The following NAV3 variants were observed in gnomAD, a reference collection of about 807,000 sequenced individuals.
The protein encoded by NAV3 is neuron navigator 3.
Under a neutral mutation model 244.7 loss-of-function variants are expected in NAV3, and 87 were observed. The observed-to-expected ratio is 0.36, with a 90% confidence interval of 0.30 to 0.42. NAV3 has a LOEUF of 0.42. NAV3 is among the 20% of genes least tolerant of loss of function. The pLI is 1.00. For missense variants in NAV3, 2,663 were observed against 2,893.3 expected (o/e 0.92, Z 1.83); for synonymous variants, 1,126 against 1,042.2 (o/e 1.08, Z -1.55).
At chr12:77,791,378 C>T (rs1380711375) in intron 2 of NAV3, among the ~76,000 whole-genome samples, 1 of 150,080 alleles carries the variant, frequency 6.7e-6, no homozygotes, top group South Asian at 2.1e-4. Context: ...AAAAAATTCC[C>T]TTTTATTTCA....
intron 2 of NAV3, among the ~76,000 whole-genome samples, chr12:77,698,374 A>G (rs1353537791): frequency 6.6e-6 from 1 of 152,126 alleles, no homozygotes; most frequent in African/African-American, 2.4e-5. Context: ...TATATCACCC[A>G]TCACTGGAAG....
rs1460257601 is a variant in NAV3, at chr12:77,851,551, G to T, written c.243+19847G>T. On this transcript the variant is annotated intron_variant, in intron 1 of 39. Coordinates refer to ENST00000397909, the MANE Select transcript of NAV3 (RefSeq NM_001024383.2). ...TTAAAAATATTTTCAATAATATTAA[G>T]CAATCAATTATTTGTTACAGACTGA... is the stretch of plus-strand genomic sequence containing the variant. Among the ~76,000 whole-genome samples, 4 of 150,518 alleles carry T rather than the reference G, an allele frequency of 2.7e-5. 1 individual carries two copies. The highest frequency in any genetic ancestry group is 4.4e-5 in the Non-Finnish European group (3 of 67,556).
intron 12 of NAV3, among the ~76,000 whole-genome samples, chr12:78,064,609 G>A (rs187617781): frequency 1.1e-3 from 173 of 152,124 alleles, no homozygotes; most frequent in Middle Eastern, 6.8e-3. Context: ...CAGTCACATT[G>A]CAGGTTAAAA....
chr12:77,749,867 T>C (rs1333064695), intron 2 of NAV3, among the ~76,000 whole-genome samples: 1 of 152,198 alleles, frequency 6.6e-6, no homozygotes, highest in African/African-American at 2.4e-5. Context: ...AAATATTTGA[T>C]TTACCAATGT....
At chr12:78,097,674 T>A (rs444008) in intron 12 of NAV3, among the ~76,000 whole-genome samples, 8,792 of 152,228 alleles carry the variant, frequency 0.058, 320 homozygotes, top group Admixed American at 0.078. Context: ...TTTAATAATA[T>A]TTTCCTTTTA....
At chr12:78,161,800 T>C (rs1593850914) in intron 23 of NAV3, among the ~76,000 whole-genome samples, 1 of 152,136 alleles carries the variant, frequency 6.6e-6, no homozygotes, top group African/African-American at 2.4e-5. Context: ...ACTTGCCTAT[T>C]CTCAAAGTGA....
intron 1 of NAV3, among the ~76,000 whole-genome samples, chr12:77,924,055 C>G (rs1180896653): frequency 6.6e-6 from 1 of 152,120 alleles, no homozygotes; most frequent in African/African-American, 2.4e-5. Context: ...ACCAGCTGCT[C>G]TAACAAACTC....
At chr12:78,208,583 C>A (rs1960572244) in intron 39 of NAV3, among the ~76,000 whole-genome samples, 2 of 152,050 alleles carry the variant, frequency 1.3e-5, no homozygotes, top group South Asian at 4.1e-4. Context: ...TAGGCAAAGG[C>A]AAAGTAAATC....
intron 5 of NAV3, among the ~76,000 whole-genome samples, chr12:77,976,668 T>TTCTTTG (rs1565979419): frequency 1.7e-5 from 1 of 58,120 alleles, no homozygotes; most frequent in African/African-American, 7.2e-5. Flanking sequence ...CTTTCTTTCT[T>TTCTTTG]TTTTTCTTTT....
At chr12:77,674,389 C>CTT (rs375776245) in intron 2 of NAV3, among the ~76,000 whole-genome samples, 17 of 146,160 alleles carry the variant, frequency 1.2e-4, no homozygotes, top group African/African-American at 2.7e-4. Context: ...TCAAATTATA[C>CTT]TTTTTTTTTT....
At position 78,190,106 on chromosome 12, in the gene NAV3, A is replaced by T; in HGVS notation, c.6178A>T (p.Thr2060Ser). Residue 2060 changes from threonine to serine, a missense_variant, in exon 34 of 40, where the codon ACT becomes TCT. This residue lies in a region of NAV3 where 543 missense variants were observed against 672.4 expected (regional missense o/e 0.81). Coordinates refer to ENST00000397909, the MANE Select transcript of NAV3 (RefSeq NM_001024383.2). ...HRIILSGPSGTGKTYLANKLA... is the reference protein window; with the variant it reads ...HRIILSGPSGSGKTYLANKLA... ...AATTATACTCTCAGGACCGAGTGGT[A>T]CTGGAAAGACCTATTTGGCAAACAA... is the stretch of plus-strand genomic sequence containing the variant. 6.2e-7 allele frequency: 1 copy of T among 1,613,096 alleles called. No homozygotes were observed. Among genetic ancestry groups the T allele is most frequent in the East Asian group, 2.2e-5 (1 of 44,740 alleles).
intron 2 of NAV3, among the ~76,000 whole-genome samples, chr12:77,706,870 C>CAAAAAAAAAAAAAAAAAAAAAAACAAAA (rs1875835106): frequency 1.5e-5 from 1 of 68,036 alleles, no homozygotes; most frequent in Non-Finnish European, 2.4e-5. Flanking sequence ...GACTCTGTTT[C>CAAAAAAAAAAAAAAAAAAAAAAACAAAA]AAAAAAAAAA....
chr12:77,767,634 C>A (rs140868824), intron 2 of NAV3, among the ~76,000 whole-genome samples: 1 of 152,180 alleles, frequency 6.6e-6, no homozygotes, highest in African/African-American at 2.4e-5. Context: ...TCCATGTAAG[C>A]CTGCAGCTAA....
rs567000191 is a variant in NAV3 at position 77,605,305 on chromosome 12, A to G, written c.72+33039A>G. On this transcript the variant is annotated intron_variant, in intron 2 of 8. Transcript: ENST00000550042. ...AGGTATTATAATTATGAGAATCAAT[A>G]GCACCTGCCCGATCATAATCTCCTC... 2.0e-5 allele frequency among the ~76,000 whole-genome samples: 3 copies of G among 152,272 alleles called. No individual in the cohort carries two copies. In the South Asian group the frequency reaches 6.2e-4, roughly 32 times the overall value.
intron 24 of NAV3, among the ~76,000 whole-genome samples, chr12:78,170,150 G>A (rs552893107): frequency 6.1e-4 from 93 of 151,806 alleles, no homozygotes; most frequent in African/African-American, 2.1e-3. Flanking sequence ...AGAACTCCAC[G>A]TGGATATCTT....
At chr12:77,793,167 G>A (rs569273706) in intron 2 of NAV3, among the ~76,000 whole-genome samples, 4 of 152,060 alleles carry the variant, frequency 2.6e-5, no homozygotes, top group East Asian at 1.9e-4. Flanking sequence ...AAATATTATA[G>A]CTATTAACCT....
intron 2 of NAV3, among the ~76,000 whole-genome samples, chr12:77,789,687 G>A (rs1267980134): frequency 6.6e-6 from 1 of 151,886 alleles, no homozygotes; most frequent in Non-Finnish European, 1.5e-5. Context: ...GTGGGTGCCT[G>A]TAATCTCAGC....
At chr12:77,641,318 G>A (rs112065812) in intron 2 of NAV3, among the ~76,000 whole-genome samples, 85 of 152,122 alleles carry the variant, frequency 5.6e-4, no homozygotes, top group African/African-American at 2.0e-3. Context: ...GTGCCCCAAA[G>A]CCGAGTTGGG....
At chr12:77,828,049 T>G (rs77283926), upstream of NAV3, among the ~76,000 whole-genome samples, 114 of 152,236 alleles carry the variant, frequency 7.5e-4, 3 homozygotes, top group East Asian at 0.019. Context: ...GAGTTTTGCA[T>G]CCCCTCCAAA....
Sources: allele counts gnomAD v4.1 joint callset (sites outside exome capture counted in the v4.1 genomes callset), GRCh38; gene constraint gnomAD v4.1.1; regional missense constraint gnomAD v4.1.1; transcripts MANE v1.5; gene names NCBI Gene and HGNC (gene_info 2026-07-23, HGNC 2026-07-21).